The following ARHGAP25 variants were observed in gnomAD, a reference collection of about 807,000 sequenced individuals.
ARHGAP25 encodes Rho GTPase activating protein 25, also known as rho GTPase-activating protein 25.
Under a neutral mutation model 71.0 loss-of-function variants are expected in ARHGAP25, and 34 were observed. The observed-to-expected ratio is 0.48, with a 90% CI of 0.36 to 0.64. The LOEUF is 0.64. Ranked by LOEUF, ARHGAP25 falls within the 30% of genes least tolerant of loss-of-function variation. The pLI is 0.00. For missense variants in ARHGAP25, 706 were observed against 805.1 expected (o/e 0.88, Z 1.49); for synonymous variants, 282 against 296.5 (o/e 0.95, Z 0.50).
At chr2:68,782,205 C>A (rs1291442594) in intron 2 of ARHGAP25, 28 bp from the exon 3 acceptor site, 4 of 1,604,428 alleles carry the variant, frequency 2.5e-6, no homozygotes, top group Admixed American at 1.7e-5. Context: ...TGCTGCTTAT[C>A]CTTAAGGCCT....
Position 68,816,319 on chromosome 2 carries a change from A to G in ARHGAP25, c.838A>G (p.Ile280Val), listed in dbSNP as rs201905093. 3.0e-5 allele frequency: 48 copies of G among 1,613,962 alleles called. No homozygotes were observed. In the African/African-American group the frequency reaches 6.0e-4, roughly 20 times the overall value. The change falls in exon 7 of 11, where the codon ATC (isoleucine) becomes GTC (valine). Residue 280 changes from isoleucine (I) to valine (V), a missense_variant. Ile to Val is a conservative substitution (Grantham distance 29, BLOSUM62 3). Coordinates refer to ENST00000409202, the MANE Select transcript of ARHGAP25 (RefSeq NM_001007231.3). ...GCAGGAGTTGATGAAGCAGCTCTCC[A>G]TCCTTCCTCGTGACAACTATAGTCT... ...AQQELMKQLS[I>V]LPRDNYSLLS...
At chr2:68,821,096 T>C (rs1000273209) in intron 9 of ARHGAP25, among the ~76,000 whole-genome samples, 37 of 135,742 alleles carry the variant, frequency 2.7e-4, no homozygotes, top group African/African-American at 3.7e-4. Flanking sequence ...TTCTTTCTTT[T>C]TTTTTTTTTT....
chr2:68,718,598 C>G (rs1159463797), intron 2 of ARHGAP25, among the ~76,000 whole-genome samples: 1 of 151,962 alleles, frequency 6.6e-6, no homozygotes, highest in Non-Finnish European at 1.5e-5. Flanking sequence ...TAGATAGGTA[C>G]ATAGATACCT....
At chr2:68,790,468 G>A (rs1424863081) in intron 4 of ARHGAP25, among the ~76,000 whole-genome samples, 1 of 152,140 alleles carries the variant, frequency 6.6e-6, no homozygotes. Flanking sequence ...GGAGGTGAGG[G>A]GCAGGGCCAG....
chr2:68,797,608 G>C (rs1042918826), intron 4 of ARHGAP25, among the ~76,000 whole-genome samples: 49 of 152,190 alleles, frequency 3.2e-4, no homozygotes, highest in African/African-American at 1.1e-3. Flanking sequence ...CGGGCCGCAA[G>C]GGTTCATCCC....
Position 68,775,130 on chromosome 2 carries a change from C to A in ARHGAP25, c.62-91C>A, listed in dbSNP as rs191986259. On this transcript the variant is annotated intron_variant, in intron 1 of 10. Coordinates refer to ENST00000409202, the MANE Select transcript of ARHGAP25 (RefSeq NM_001007231.3). ...TGGTTGTCGTCCCCCCGCTTCTCAGCCCCCTCTGGGGTTCCTCTCTCCTCT... is the reference window on the plus strand; with the variant it reads ...TGGTTGTCGTCCCCCCGCTTCTCAGACCCCTCTGGGGTTCCTCTCTCCTCT... The A allele has an allele frequency of 3.7e-5, 60 of 1,605,624 alleles. No individual in the cohort carries two copies. The East Asian group carries it at 1.3e-3, about 35-fold the overall frequency.
intron 10 of ARHGAP25, among the ~76,000 whole-genome samples, chr2:68,823,775 CAGA>C (rs1439637627): frequency 2.0e-5 from 3 of 152,310 alleles, no homozygotes; most frequent in Admixed American, 1.3e-4. Flanking sequence ...AGGGGGCAAA[CAGA>C]AGCGGGAGGC....
At chr2:68,711,682 C>T (rs1573367302) in intron 2 of ARHGAP25, among the ~76,000 whole-genome samples, 1 of 149,734 alleles carries the variant, frequency 6.7e-6, no homozygotes, top group Non-Finnish European at 1.5e-5. Context: ...CACCCACCCC[C>T]CGCAGGCCCC....
At chr2:68,771,948 A>G (rs1255242667) in intron 1 of ARHGAP25, among the ~76,000 whole-genome samples, 5 of 152,188 alleles carry the variant, frequency 3.3e-5, no homozygotes, top group Admixed American at 2.0e-4. Context: ...AAGGGCATCA[A>G]AGGTCCCCTT....
intron 6 of ARHGAP25, among the ~76,000 whole-genome samples, chr2:68,813,983 G>A (rs1053514083): frequency 2.0e-5 from 3 of 152,204 alleles, no homozygotes; most frequent in African/African-American, 7.2e-5. Flanking sequence ...TTCTAGAGAG[G>A]CCTTATAGTC....
At chr2:68,786,193 G>T (rs1678750492) in intron 3 of ARHGAP25, among the ~76,000 whole-genome samples, 1 of 152,168 alleles carries the variant, frequency 6.6e-6, no homozygotes, top group Admixed American at 6.5e-5. Flanking sequence ...GTTTCCCAGT[G>T]GGGTTGCTCA....
At chr2:68,818,600 T>C (rs1281895728) in intron 8 of ARHGAP25, among the ~76,000 whole-genome samples, 1 of 152,232 alleles carries the variant, frequency 6.6e-6, no homozygotes, top group African/African-American at 2.4e-5. Context: ...AGTGCTGGGA[T>C]TACAGGCGTG....
chr2:68,813,271 G>C lies in ARHGAP25; in HGVS notation c.675-16G>C. 2 of 1,601,568 alleles carry C rather than the reference G, an allele frequency of 1.2e-6. No individual in the cohort carries two copies. Among genetic ancestry groups the C allele is most frequent in the Middle Eastern group, 1.7e-4 (1 of 5,974 alleles). On this transcript the variant is annotated splice_polypyrimidine_tract_variant and intron_variant, in intron 5 of 10. Coordinates refer to ENST00000409202, the MANE Select transcript of ARHGAP25 (RefSeq NM_001007231.3). ...CTTTCAAAGAGTTTCACAGAGCGTT[G>C]CTTATTTTCTTCCAGAGACACAGAT...
In ARHGAP25 at chr2:68,787,767, G is replaced by A. The variant is rs557063590; in HGVS notation, c.350-73G>A. The A allele has an allele frequency of 2.2e-5, 28 of 1,246,838 alleles. No homozygotes were observed. In the African/African-American group the frequency reaches 4.1e-4, roughly 18 times the overall value. The allele number at this position is 1,246,838 out of a possible 1,614,324, so 77.2% of individuals were successfully genotyped here. On this transcript the variant is annotated intron_variant, in intron 3 of 10. Coordinates refer to ENST00000409202, the MANE Select transcript of ARHGAP25 (RefSeq NM_001007231.3). The stretch of plus-strand genomic sequence containing the variant: ...GAACCAAGACATCAATTTAGGTCTG[G>A]TTCCCTTCTCTTCCCCTTGCTCTCA...
At chr2:68,718,978 T>C (rs1380425198) in intron 2 of ARHGAP25, among the ~76,000 whole-genome samples, 1 of 151,902 alleles carries the variant, frequency 6.6e-6, no homozygotes, top group African/African-American at 2.4e-5. Context: ...TGATGAAGCC[T>C]CCAAGAAAAA....
At chr2:68,741,310 C>G (rs1006301315) in intron 1 of ARHGAP25, among the ~76,000 whole-genome samples, 21 of 152,200 alleles carry the variant, frequency 1.4e-4, no homozygotes, top group African/African-American at 5.1e-4. Flanking sequence ...ATGTATAACT[C>G]TATGTGAGAA....
chr2:68,795,545 A>G (rs6546438), intron 4 of ARHGAP25, among the ~76,000 whole-genome samples: 141,442 of 152,242 alleles, frequency 0.93, 65,769 homozygotes, highest in African/African-American at 0.97. Context: ...GTAGCATGTT[A>G]TTTAGTTTCC....
intron 2 of ARHGAP25, among the ~76,000 whole-genome samples, chr2:68,776,197 A>G (rs1677900597): frequency 6.6e-6 from 1 of 152,162 alleles, no homozygotes; most frequent in South Asian, 2.1e-4. Flanking sequence ...GTGGGAGCAG[A>G]ACTAGCAGGT....
chr2:68,816,434 G>A, intron 7 of ARHGAP25, 72 bp downstream of exon 7: 1 of 1,263,212 alleles, frequency 7.9e-7, no homozygotes, highest in Non-Finnish European at 1.2e-6. Flanking sequence ...AGAAGAGGAG[G>A]GACCACGTCT....
Sources: gnomAD v4.1 joint callset for allele counts (sites outside exome capture counted in the v4.1 genomes callset) on GRCh38, gnomAD v4.1.1 for gene constraint, MANE v1.5 for transcripts, NCBI Gene and HGNC (gene_info 2026-07-23, HGNC 2026-07-21) for gene names.